The following RABGAP1 variants were observed in gnomAD, a reference collection of about 807,000 sequenced individuals.
RABGAP1 encodes rab GTPase-activating protein 1.
In RABGAP1, 23 loss-of-function variants were observed where a neutral mutation model predicts 137.6. The ratio of observed to expected loss-of-function variants is 0.17; its 90% CI spans 0.12 to 0.24. The LOEUF is 0.24. RABGAP1 is among the 10% of genes least tolerant of loss of function. The pLI is 1.00. For missense variants in RABGAP1, 906 were observed against 1,275.8 expected, an observed-to-expected ratio of 0.71 and a Z score of 4.42; for synonymous variants, 451 against 450.7, an observed-to-expected ratio of 1.00 and a Z score of -0.01.
intron 1 of RABGAP1, among the ~76,000 whole-genome samples, chr9:122,949,080 GA>G (rs1323224552): frequency 1.3e-5 from 2 of 152,162 alleles, no homozygotes; most frequent in Admixed American, 1.3e-4. Context: ...TAGCGGAGTA[GA>G]AAAGAAGCGT....
Position 123,032,193 on chromosome 9 carries a change from A to G in RABGAP1, c.1794+11734A>G, listed in dbSNP as rs569363694. Among the ~76,000 whole-genome samples, 3 of 152,284 alleles carry G rather than the reference A, an allele frequency of 2.0e-5. No individual in the cohort carries two copies. In the South Asian group the frequency reaches 6.2e-4, roughly 32 times the overall value. ...GTAGGAGCAGAAAGTGAGTAAAGTT[A>G]TATACCCCCTCTGTGCTAGGTGTTG... On this transcript the variant is annotated intron_variant, in intron 13 of 25. Coordinates refer to ENST00000373647, the MANE Select transcript of RABGAP1 (RefSeq NM_012197.4).
intron 2 of RABGAP1, among the ~76,000 whole-genome samples, chr9:122,972,797 A>G (rs937179596): frequency 6.6e-6 from 1 of 152,112 alleles, no homozygotes; most frequent in African/African-American, 2.4e-5. Flanking sequence ...TGCTTTACGT[A>G]AGCCCTTTAA....
chr9:123,028,673 G>A (rs769605162), intron 13 of RABGAP1, among the ~76,000 whole-genome samples: 1 of 152,182 alleles, frequency 6.6e-6, no homozygotes, highest in African/African-American at 2.4e-5. Context: ...GCATATTTAA[G>A]GTTTTGGGCA....
chr9:122,968,595 T>G (rs554603442), intron 2 of RABGAP1, among the ~76,000 whole-genome samples: 3 of 152,212 alleles, frequency 2.0e-5, no homozygotes, highest in African/African-American at 4.8e-5. Context: ...CTCTTTTACT[T>G]TTATTTTTTA....
intron 21 of RABGAP1, among the ~76,000 whole-genome samples, chr9:123,095,424 G>A (rs548320323): frequency 1.4e-4 from 21 of 152,226 alleles, no homozygotes; most frequent in African/African-American, 5.1e-4. Context: ...ATCTCAGCCA[G>A]GCACAATGGC....
chr9:123,029,329 T>TA, intron 13 of RABGAP1: 1 of 710,222 alleles, frequency 1.4e-6, no homozygotes, highest in Non-Finnish European at 2.5e-6. Flanking sequence ...TTTTTTTTTT[T>TA]ACTTAATAAA....
chr9:123,052,309 A>G (rs2033517876), intron 13 of RABGAP1, among the ~76,000 whole-genome samples: 1 of 152,230 alleles, frequency 6.6e-6, no homozygotes, highest in South Asian at 2.1e-4. Flanking sequence ...GGGAGATAAT[A>G]GAACCCACCT....
chr9:123,081,050 A>G (rs1042129719), intron 19 of RABGAP1, among the ~76,000 whole-genome samples: 1 of 152,158 alleles, frequency 6.6e-6, no homozygotes, highest in Admixed American at 6.5e-5. Context: ...CCTACCCATC[A>G]TGAGGACAAC....
intron 10 of RABGAP1, among the ~76,000 whole-genome samples, chr9:122,999,554 A>G (rs1837216863): frequency 6.6e-6 from 1 of 151,782 alleles, no homozygotes; most frequent in Non-Finnish European, 1.5e-5. Flanking sequence ...TCTGGGTATA[A>G]TGTGTCATTT....
chr9:122,981,679 G>A (rs1836064027), intron 2 of RABGAP1, among the ~76,000 whole-genome samples: 1 of 152,166 alleles, frequency 6.6e-6, no homozygotes, highest in Non-Finnish European at 1.5e-5. Context: ...ACCTTGAAAG[G>A]CACTGCTGAA....
chr9:122,998,780 C>T lies in RABGAP1; in HGVS notation c.1374+14C>T, dbSNP rs28416273. 0.022 allele frequency: 33,562 copies of T among 1,507,246 alleles called. 5,471 individuals carry two copies. The African/African-American group carries it at 0.38, about 17-fold the overall frequency. The allele number at this position is 1,507,246 out of a possible 1,614,324, so 93.4% of individuals were successfully genotyped here. A position where few individuals can be genotyped will look rare whatever the true frequency, so the allele number is the denominator to read the frequency against. On this transcript the variant is annotated intron_variant, in intron 10 of 25. Coordinates refer to ENST00000373647, the MANE Select transcript of RABGAP1 (RefSeq NM_012197.4). ...AAACTAAAACAGGTACTGTATTTTTCTATTAATATAGAAGGGGGAATAAGA... is the reference window on the plus strand; with the variant it reads ...AAACTAAAACAGGTACTGTATTTTTTTATTAATATAGAAGGGGGAATAAGA...
chr9:123,044,841 T>C (rs1407625468), intron 13 of RABGAP1, among the ~76,000 whole-genome samples: 1 of 152,112 alleles, frequency 6.6e-6, no homozygotes. Flanking sequence ...ATTCCTATAG[T>C]CTGATTCCTC....
intron 19 of RABGAP1, among the ~76,000 whole-genome samples, chr9:123,081,914 C>T (rs1158953113): frequency 6.6e-6 from 1 of 152,154 alleles, no homozygotes; most frequent in Admixed American, 6.5e-5. Context: ...GAACTGAGGC[C>T]TCTGACTCTT....
At chr9:123,091,234 A>C (rs1273723060) in intron 21 of RABGAP1, among the ~76,000 whole-genome samples, 1 of 152,088 alleles carries the variant, frequency 6.6e-6, no homozygotes, top group Non-Finnish European at 1.5e-5. Context: ...TTGGTTTCCT[A>C]AAGTTCCAGG....
intron 19 of RABGAP1, among the ~76,000 whole-genome samples, chr9:123,078,079 C>CA (rs1424286591): frequency 6.6e-6 from 1 of 152,044 alleles, no homozygotes; most frequent in African/African-American, 2.4e-5. Flanking sequence ...CTCACACAGA[C>CA]ATAGTGGATA....
intron 13 of RABGAP1, among the ~76,000 whole-genome samples, chr9:123,043,368 A>G (rs1588322000): frequency 6.6e-6 from 1 of 152,300 alleles, no homozygotes; most frequent in African/African-American, 2.4e-5. Flanking sequence ...GTATGTCTCT[A>G]GGAAAATATA....
At chr9:123,075,434 C>G (rs1035032316) in intron 17 of RABGAP1, among the ~76,000 whole-genome samples, 1 of 152,116 alleles carries the variant, frequency 6.6e-6, no homozygotes, top group African/African-American at 2.4e-5. Context: ...TCAAAACATA[C>G]AAAAATTCAT....
At chr9:122,938,556 T>C (rs1833427089), upstream of RABGAP1, 2 of 152,204 alleles carry the variant, frequency 1.3e-5, no homozygotes, top group African/African-American at 4.8e-5. Flanking sequence ...AAACAGACTA[T>C]AGTCTATTTT....
chr9:123,092,292 C>G (rs1010464511), intron 21 of RABGAP1, among the ~76,000 whole-genome samples: 1 of 152,128 alleles, frequency 6.6e-6, no homozygotes, highest in African/African-American at 2.4e-5. Flanking sequence ...GTGAGAGAAC[C>G]AGGTTTCATT....
Sources: gnomAD v4.1 joint callset for allele counts (sites outside exome capture counted in the v4.1 genomes callset) on GRCh38, gnomAD v4.1.1 for gene constraint, MANE v1.5 for transcripts, NCBI Gene and HGNC (gene_info 2026-07-23, HGNC 2026-07-21) for gene names.